The following DTNB variants were observed in gnomAD, a reference collection of about 807,000 sequenced individuals.
The protein encoded by DTNB is dystrobrevin beta, also known as DTN-B.
Under a neutral mutation model 90.7 loss-of-function variants are expected in DTNB, and 63 were observed. The observed-to-expected ratio is 0.69, with a 90% CI of 0.57 to 0.86. The LOEUF (loss-of-function observed/expected upper bound fraction) is 0.86. DTNB is among the 40% of genes least tolerant of loss of function. DTNB has a pLI of 0.00. For missense variants in DTNB, 744 were observed against 807.1 expected (o/e 0.92, Z 0.95); for synonymous variants, 277 against 286.7 (o/e 0.97, Z 0.34).
At chr2:25,384,889 T>TTTTC in intron 18 of DTNB, among the ~76,000 whole-genome samples, 1 of 151,854 alleles carries the variant, frequency 6.6e-6, no homozygotes, top group Admixed American at 6.5e-5. Context: ...CTTTTCTTTT[T>TTTTC]TTTTTTTTGA....
At chr2:25,511,915 T>C (rs1444249111) in intron 9 of DTNB, among the ~76,000 whole-genome samples, 1 of 152,022 alleles carries the variant, frequency 6.6e-6, no homozygotes, top group African/African-American at 2.4e-5. Flanking sequence ...AAGAAATAAC[T>C]AAAGGGAAAA....
chr2:25,501,648 C>T lies in DTNB; in HGVS notation c.1002-18775G>A, dbSNP rs146837240. On this transcript the variant is annotated intron_variant, in intron 9 of 20. Coordinates refer to ENST00000406818, the MANE Select transcript of DTNB (RefSeq NM_021907.5). ...TTGGCCTCCCAAAGTGCTGGGATTACAGGCATGAGCCACTGTGCCCAGCAA... is the reference window on the plus strand; with the variant it reads ...TTGGCCTCCCAAAGTGCTGGGATTATAGGCATGAGCCACTGTGCCCAGCAA... Among the ~76,000 whole-genome samples the T allele has an allele frequency of 2.6e-4, 39 of 152,268 alleles. 1 individual carries two copies. In the East Asian group the frequency reaches 6.6e-3, roughly 26 times the overall value.
intron 10 of DTNB, among the ~76,000 whole-genome samples, chr2:25,459,461 A>G (rs2060589119): frequency 6.6e-6 from 1 of 152,036 alleles, no homozygotes; most frequent in Non-Finnish European, 1.5e-5. Context: ...CTCTGATATG[A>G]GAAGCTATTG....
In DTNB at chr2:25,451,537, C is replaced by A; in HGVS notation, c.1257+11G>T. 6.2e-7 allele frequency: 1 copy of A among 1,601,860 alleles called. No individual in the cohort carries two copies. On this transcript the variant is annotated intron_variant, in intron 12 of 20. Transcript: ENST00000406818. ...TTTCTGCTACTCTCCTGGGATCCTC[C>A]ATTAACTTACCACGTTTCCTGCTTC...
intron 11 of DTNB, among the ~76,000 whole-genome samples, chr2:25,454,333 T>G (rs1365900005): frequency 6.6e-6 from 1 of 152,170 alleles, no homozygotes; most frequent in African/African-American, 2.4e-5. Context: ...TCTTCTGTTA[T>G]TAGGGGAAGT....
intron 8 of DTNB, among the ~76,000 whole-genome samples, chr2:25,536,072 C>T (rs1368544721): frequency 4.7e-5 from 7 of 148,828 alleles, no homozygotes; most frequent in Non-Finnish European, 1.0e-4. Context: ...CCAGACGGGG[C>T]GGCTGGGCCG....
chr2:25,437,113 A>G lies in DTNB; in HGVS notation c.1258-3118T>C, dbSNP rs151134628. Among the ~76,000 whole-genome samples, 361 of 152,276 alleles carry G rather than the reference A, an allele frequency of 2.4e-3. 1 individual carries two copies. Among genetic ancestry groups the G allele is most frequent in the South Asian group, 4.6e-3 (22 of 4,826 alleles). ...GAAGTAGGGGTGGAGGAAGGTTCCA[A>G]TCCTGAGGCAGCAGTTCCCCTAGGG... On this transcript the variant is annotated intron_variant, in intron 12 of 20. Coordinates refer to ENST00000406818, the MANE Select transcript of DTNB (RefSeq NM_021907.5).
chr2:25,608,370 G>A (rs1276653991), intron 4 of DTNB, among the ~76,000 whole-genome samples: 3 of 152,054 alleles, frequency 2.0e-5, no homozygotes, highest in Non-Finnish European at 2.9e-5. Flanking sequence ...AATTATCTGT[G>A]AAAACACCAC....
At chr2:25,597,419 G>C (rs1467207003) in intron 5 of DTNB, among the ~76,000 whole-genome samples, 1 of 152,008 alleles carries the variant, frequency 6.6e-6, no homozygotes, top group African/African-American at 2.4e-5. Context: ...CTATTTAACA[G>C]ACATATGTAA....
chr2:25,526,382 TA>T (rs1558884354), intron 9 of DTNB, among the ~76,000 whole-genome samples: 15 of 53,706 alleles, frequency 2.8e-4, no homozygotes, highest in African/African-American at 8.7e-4. Flanking sequence ...TATATATATA[TA>T]TATATATATA....
intron 16 of DTNB, among the ~76,000 whole-genome samples, chr2:25,407,446 A>G (rs935046007): frequency 3.9e-5 from 6 of 152,230 alleles, no homozygotes; most frequent in African/African-American, 1.4e-4. Flanking sequence ...AAAAGAAGTC[A>G]TTATATGAAA....
intron 9 of DTNB, among the ~76,000 whole-genome samples, chr2:25,514,685 T>C (rs911486853): frequency 2.1e-5 from 3 of 142,474 alleles, no homozygotes; most frequent in Admixed American, 6.9e-5. Flanking sequence ...AAAAATCTTT[T>C]TTTTTTTTTT....
chr2:25,599,852 T>C (rs1490939402), intron 5 of DTNB, among the ~76,000 whole-genome samples: 1 of 152,068 alleles, frequency 6.6e-6, no homozygotes, highest in Non-Finnish European at 1.5e-5. Flanking sequence ...CCCAGAACTT[T>C]GGGAGGCCCA....
intron 5 of DTNB, among the ~76,000 whole-genome samples, chr2:25,598,107 G>C (rs2065022496): frequency 1.3e-5 from 2 of 152,176 alleles, no homozygotes; most frequent in South Asian, 2.1e-4. Context: ...TAGCTAAAAT[G>C]AGCTTGTAAG....
intron 10 of DTNB, among the ~76,000 whole-genome samples, chr2:25,463,463 C>A (rs1558634127): frequency 2.0e-5 from 3 of 152,164 alleles, no homozygotes; most frequent in Non-Finnish European, 4.4e-5. Flanking sequence ...AGTTGATTCT[C>A]CACGCTGCAA....
Position 25,652,614 on chromosome 2 carries a change from C to T in DTNB, c.47G>A (p.Arg16Lys). Residue 16 changes from arginine to lysine, a missense_variant, in exon 2 of 21, where the codon AGG (arginine) becomes AAG (lysine). By Grantham distance (26) the Arg-to-Lys change is conservative. Coordinates refer to ENST00000406818, the MANE Select transcript of DTNB (RefSeq NM_021907.5). ...GNKRKTMAEK[R>K]QLFIEMRAQN... ...CTCACGCATTTCTATGAACAGCTGC[C>T]TCTTCTCTGCCATGGTCTTCCGCTT... The T allele has an allele frequency of 6.2e-7, 1 of 1,612,686 alleles. No homozygotes were observed. Among genetic ancestry groups the T allele is most frequent in the Non-Finnish European group, 8.5e-7 (1 of 1,179,702 alleles).
At chr2:25,517,890 C>G (rs941025055) in intron 9 of DTNB, among the ~76,000 whole-genome samples, 30 of 152,108 alleles carry the variant, frequency 2.0e-4, no homozygotes, top group African/African-American at 6.5e-4. Flanking sequence ...GAAGGAAATC[C>G]TGTCACACGC....
At chr2:25,426,412 C>T (rs2149876933) in intron 15 of DTNB, among the ~76,000 whole-genome samples, 1 of 152,298 alleles carries the variant, frequency 6.6e-6, no homozygotes, top group East Asian at 1.9e-4. Context: ...TATAAATAGG[C>T]TATAACTTCA....
chr2:25,464,139 C>T (rs1016464583), intron 10 of DTNB, among the ~76,000 whole-genome samples: 1 of 152,240 alleles, frequency 6.6e-6, no homozygotes, highest in African/African-American at 2.4e-5. Flanking sequence ...GAACTCCTGA[C>T]CTCAGGTGAT....
Sources: allele counts gnomAD v4.1 joint callset (sites outside exome capture counted in the v4.1 genomes callset), GRCh38; gene constraint gnomAD v4.1.1; transcripts MANE v1.5; gene names NCBI Gene and HGNC (gene_info 2026-07-23, HGNC 2026-07-21).